Variants in ZNF385D observed in about 807,000 individuals in gnomAD.
The protein encoded by ZNF385D is zinc finger protein 385D.
ZNF385D carries 15 observed loss-of-function variants against 35.8 expected under a neutral mutation model. The ratio of observed to expected loss-of-function variants is 0.42; its 90% CI spans 0.28 to 0.64. The LOEUF is 0.64. ZNF385D is among the 30% of genes least tolerant of loss of function. The pLI, the probability that ZNF385D is intolerant of heterozygous loss-of-function variation, is 0.23. For synonymous variants in ZNF385D, 212 were observed against 186.8 expected (o/e 1.13, Z -1.10); for missense variants, 474 against 494.6 (o/e 0.96, Z 0.39).
At chr3:21,973,711 A>T (rs576736215) in intron 3 of ZNF385D, among the ~76,000 whole-genome samples, 1 of 152,230 alleles carries the variant, frequency 6.6e-6, no homozygotes. Context: ...TAGAACTGAT[A>T]AACAAATTCA....
intron 2 of ZNF385D, among the ~76,000 whole-genome samples, chr3:22,347,101 GAC>G (rs1559533384): frequency 2.0e-5 from 3 of 152,116 alleles, no homozygotes; most frequent in African/African-American, 4.8e-5. Context: ...TAAAGAGAGA[GAC>G]ACATATTTTG....
intron 2 of ZNF385D, among the ~76,000 whole-genome samples, chr3:22,271,426 G>A (rs1379658173): frequency 6.6e-6 from 1 of 151,762 alleles, no homozygotes; most frequent in Non-Finnish European, 1.5e-5. Context: ...TCACAAAACA[G>A]TTTCGAGATA....
intron 1 of ZNF385D, among the ~76,000 whole-genome samples, chr3:21,696,869 C>T (rs2067490030): frequency 6.6e-6 from 1 of 152,194 alleles, no homozygotes; most frequent in Admixed American, 6.5e-5. Flanking sequence ...TTTTCTCTGG[C>T]TGGTAATAAG....
intron 3 of ZNF385D, among the ~76,000 whole-genome samples, chr3:21,885,346 T>C (rs1347647790): frequency 6.6e-6 from 1 of 152,048 alleles, no homozygotes; most frequent in Non-Finnish European, 1.5e-5. Context: ...TCACAATAAA[T>C]TCTTTGCTGA....
intron 3 of ZNF385D, chr3:21,511,828 T>A (rs1167422741): frequency 8.8e-6 from 4 of 455,334 alleles, no homozygotes; most frequent in African/African-American, 6.0e-5. Flanking sequence ...AGAGCATTTT[T>A]TTTTTTTGTG....
At chr3:21,568,676 AAT>A (rs567665088) in intron 2 of ZNF385D, among the ~76,000 whole-genome samples, 184 of 152,284 alleles carry the variant, frequency 1.2e-3, no homozygotes, top group African/African-American at 4.2e-3. Context: ...GTACAAGAAA[AAT>A]ATGTTTTAAA....
intron 2 of ZNF385D, among the ~76,000 whole-genome samples, chr3:21,610,238 A>G (rs537072261): frequency 6.6e-6 from 1 of 152,252 alleles, no homozygotes; most frequent in South Asian, 2.1e-4. Context: ...ACAAAGGACA[A>G]ACATTGTGGT....
chr3:21,821,479 T>C (rs1377438576), intron 3 of ZNF385D, among the ~76,000 whole-genome samples: 1 of 152,126 alleles, frequency 6.6e-6, no homozygotes, highest in African/African-American at 2.4e-5. Flanking sequence ...GCAAACATAT[T>C]TAATCATGTA....
At chr3:21,789,696 G>C (rs1392417426) in intron 3 of ZNF385D, among the ~76,000 whole-genome samples, 2 of 151,494 alleles carry the variant, frequency 1.3e-5, no homozygotes, top group Non-Finnish European at 2.9e-5. Context: ...GAAAATTCCT[G>C]ATTTGCATGT....
At chr3:22,081,949 T>A (rs1700771917) in intron 3 of ZNF385D, among the ~76,000 whole-genome samples, 1 of 151,938 alleles carries the variant, frequency 6.6e-6, no homozygotes, top group Non-Finnish European at 1.5e-5. Flanking sequence ...TCTCCCCTAG[T>A]AGTTCTAAAG....
At chr3:22,279,833 C>T (rs958455805) in intron 2 of ZNF385D, among the ~76,000 whole-genome samples, 1 of 151,888 alleles carries the variant, frequency 6.6e-6, no homozygotes, top group Non-Finnish European at 1.5e-5. Flanking sequence ...AATGGCAGAT[C>T]TACTTTTAGC....
intron 2 of ZNF385D, among the ~76,000 whole-genome samples, chr3:21,658,724 C>T (rs529256742): frequency 8.6e-5 from 13 of 151,932 alleles, no homozygotes; most frequent in Non-Finnish European, 1.3e-4. Flanking sequence ...CCAAAGCAAA[C>T]CTTAACCTTT....
At chr3:21,955,988 C>G (rs1479966) in intron 3 of ZNF385D, among the ~76,000 whole-genome samples, 1 of 151,786 alleles carries the variant, frequency 6.6e-6, no homozygotes, top group Non-Finnish European at 1.5e-5. Context: ...GTATATGAAA[C>G]GAGCTTGGAA....
chr3:21,686,446 C>T (rs1044598558), intron 1 of ZNF385D, among the ~76,000 whole-genome samples: 2 of 152,034 alleles, frequency 1.3e-5, no homozygotes, highest in African/African-American at 2.4e-5. Context: ...ACTGAACTAT[C>T]GCAATATAAT....
intron 3 of ZNF385D, among the ~76,000 whole-genome samples, chr3:21,542,125 T>C (rs925052763): frequency 2.6e-5 from 4 of 152,190 alleles, no homozygotes; most frequent in African/African-American, 9.7e-5. Flanking sequence ...AGAACAAGTT[T>C]CTAGGTCATG....
At chr3:22,029,030 C>G (rs1402231636) in intron 3 of ZNF385D, among the ~76,000 whole-genome samples, 1 of 152,168 alleles carries the variant, frequency 6.6e-6, no homozygotes, top group Non-Finnish European at 1.5e-5. Flanking sequence ...TAGTGATCCA[C>G]TAGCACAGTT....
At chr3:21,608,588 ATAAAT>A (rs1170367857) in intron 2 of ZNF385D, among the ~76,000 whole-genome samples, 2 of 152,238 alleles carry the variant, frequency 1.3e-5, no homozygotes, top group African/African-American at 4.8e-5. Flanking sequence ...TGCTATGAAA[ATAAAT>A]TAATACGTGG....
chr3:22,348,719 A>C (rs557301546), intron 2 of ZNF385D, among the ~76,000 whole-genome samples: 1 of 152,012 alleles, frequency 6.6e-6, no homozygotes, highest in Admixed American at 6.6e-5. Context: ...GAGAGAAAGT[A>C]GGGTACAGGC....
intron 2 of ZNF385D, among the ~76,000 whole-genome samples, chr3:22,222,764 T>C (rs1416907427): frequency 1.3e-5 from 2 of 152,194 alleles, no homozygotes; most frequent in African/African-American, 4.8e-5. Context: ...ATGTGAATTT[T>C]TATTATTAGA....
Sources: gnomAD v4.1 joint callset for allele counts (sites outside exome capture counted in the v4.1 genomes callset) on GRCh38, gnomAD v4.1.1 for gene constraint, MANE v1.5 for transcripts, NCBI Gene and HGNC (gene_info 2026-07-23, HGNC 2026-07-21) for gene names.